Variants in KIF13A observed in about 807,000 individuals in gnomAD.
KIF13A encodes the protein kinesin family member 13A.
KIF13A carries 79 observed loss-of-function variants against 212.2 expected under a neutral mutation model. The ratio of observed to expected loss-of-function variants is 0.37; its 90% CI spans 0.31 to 0.45. The LOEUF (loss-of-function observed/expected upper bound fraction) is 0.45, where lower values mean the gene tolerates loss of function less well. KIF13A is among the 20% of genes least tolerant of loss of function. The pLI is 1.00. For synonymous variants in KIF13A, 789 were observed against 808.6 expected (o/e 0.98, Z 0.41); for missense variants, 1,901 against 2,209.0 (o/e 0.86, Z 2.79).
chr6:17,788,509 A>C (rs1255550566), intron 26 of KIF13A, among the ~76,000 whole-genome samples: 3 of 152,240 alleles, frequency 2.0e-5, no homozygotes, highest in African/African-American at 7.2e-5. Context: ...GAAGCGCACA[A>C]ACAGCCGCAG....
At chr6:17,929,027 C>G (rs941785648) in intron 2 of KIF13A, among the ~76,000 whole-genome samples, 2 of 133,744 alleles carry the variant, frequency 1.5e-5, no homozygotes, top group Non-Finnish European at 3.1e-5. Flanking sequence ...TGAGCTCATG[C>G]CACAGCAATA....
chr6:17,869,966 T>C (rs1769851161), intron 4 of KIF13A, among the ~76,000 whole-genome samples: 1 of 152,218 alleles, frequency 6.6e-6, no homozygotes, highest in African/African-American at 2.4e-5. Context: ...CACCAGATAA[T>C]GAATGCTTCT....
chr6:17,976,429 G>A (rs1780493023), intron 2 of KIF13A, among the ~76,000 whole-genome samples: 1 of 152,224 alleles, frequency 6.6e-6, no homozygotes, highest in African/African-American at 2.4e-5. Flanking sequence ...CGCTGGCCCG[G>A]GTGCTAAGCC....
downstream of KIF13A, chr6:17,760,769 T>C: frequency 1.5e-6 from 2 of 1,363,280 alleles, no homozygotes; most frequent in Non-Finnish European, 1.1e-6. Context: ...GGCGGCAGCA[T>C]GTTTTAGAGA....
chr6:17,821,676 C>T, intron 16 of KIF13A: 1 of 1,242,728 alleles, frequency 8.0e-7, no homozygotes. Flanking sequence ...CCAGCTTCTT[C>T]CCAATCATGT....
Position 17,794,801 on chromosome 6 carries a change from TAGG to T in KIF13A, c.2943-100_2943-98del. On this transcript the variant is annotated intron_variant, in intron 23 of 38. Coordinates refer to ENST00000259711, the MANE Select transcript of KIF13A (RefSeq NM_022113.6). This position sits in a 1 kb window ranked among gnomAD's most constrained non-coding sequence, Gnocchi z 4.1. ...CATTCACTGAGCACTTACTATGTGC[TAGG>T]CACTGTGCCATTTATCTTGTATAAG... 8.7e-6 allele frequency: 11 copies of T among 1,268,560 alleles called. No individual in the cohort carries two copies. Among genetic ancestry groups the T allele is most frequent in the Non-Finnish European group, 1.2e-5 (11 of 921,964 alleles). 78.6% of individuals were successfully genotyped at this position (1,268,560 alleles called of 1,614,324 possible).
At chr6:17,814,145 G>A (rs1353927363) in intron 17 of KIF13A, among the ~76,000 whole-genome samples, 1 of 151,488 alleles carries the variant, frequency 6.6e-6, no homozygotes, top group South Asian at 2.1e-4. Context: ...TAGAGATGGG[G>A]TTTCACCTTG....
chr6:17,791,215 T>A (rs1447885883), intron 25 of KIF13A, among the ~76,000 whole-genome samples: 1 of 152,136 alleles, frequency 6.6e-6, no homozygotes, highest in African/African-American at 2.4e-5. Flanking sequence ...TGCTTCCTAT[T>A]AATGTAAAAG....
At position 17,838,973 on chromosome 6, in the gene KIF13A, C is replaced by G. The variant is rs968113180; in HGVS notation, c.831-1390G>C. On this transcript the variant is annotated intron_variant, in intron 9 of 38. Transcript: ENST00000259711. The surrounding 1 kb of genome is among the most constrained non-coding windows in gnomAD (Gnocchi z 4.2). ...TAGCTGGGATTACAGGCGCCCGCCA[C>G]CACATCTGGCTGATTTTTGTATTTT... is the stretch of plus-strand genomic sequence containing the variant. Among the ~76,000 whole-genome samples, 2 of 152,176 alleles carry G rather than the reference C, an allele frequency of 1.3e-5. No individual in the cohort carries two copies. Among genetic ancestry groups the G allele is most frequent in the Non-Finnish European group, 2.9e-5 (2 of 68,034 alleles).
intron 33 of KIF13A, 96 bp downstream of exon 33, chr6:17,778,847 CTGAT>C: frequency 7.3e-7 from 1 of 1,371,208 alleles, no homozygotes; most frequent in Non-Finnish European, 1.0e-6. Flanking sequence ...TGCTCCTTCT[CTGAT>C]AGATTTAGTG....
In KIF13A at chr6:17,894,140, AT is replaced by A. The variant is rs1226543364; in HGVS notation, c.159+4027del. 5.7e-3 allele frequency among the ~76,000 whole-genome samples: 639 copies of A among 112,248 alleles called. 1 individual carries two copies. The highest frequency in any genetic ancestry group is 0.032 in the East Asian group (120 of 3,792). The allele number at this position is 112,248 out of a possible 152,430, so 73.6% of individuals were successfully genotyped here. ...GGTGTGAGCCACTGCGTCTCACCCC[AT>A]TTTTTTTTTTTTTTGAGACAGGGTT... On this transcript the variant is annotated intron_variant, in intron 3 of 38. Coordinates refer to ENST00000259711, the MANE Select transcript of KIF13A (RefSeq NM_022113.6).
In KIF13A at chr6:17,918,453, AACT is replaced by A. The variant is rs1453824026; in HGVS notation, c.147-20276_147-20274del. Reference sequence around the variant, plus strand: ...GAAAAATGATTATTTTATGTCTGTTAACTACTAATTTGGAGTCCTTTTCACAGG... The same window carrying A: ...GAAAAATGATTATTTTATGTCTGTTAACTAATTTGGAGTCCTTTTCACAGG... On this transcript the variant is annotated intron_variant, in intron 2 of 38. Coordinates refer to ENST00000259711, the MANE Select transcript of KIF13A (RefSeq NM_022113.6). The surrounding 1 kb of genome is among the most constrained non-coding windows in gnomAD (Gnocchi z 4.8). Among the ~76,000 whole-genome samples the A allele has an allele frequency of 2.6e-5, 4 of 152,154 alleles. No homozygotes were observed. Among genetic ancestry groups the A allele is most frequent in the Non-Finnish European group, 5.9e-5 (4 of 68,040 alleles).
Position 17,837,850 on chromosome 6 carries a change from G to A in KIF13A, c.831-267C>T, listed in dbSNP as rs1396531909. 1.3e-5 allele frequency among the ~76,000 whole-genome samples: 2 copies of A among 152,100 alleles called. No homozygotes were observed. The highest frequency in any genetic ancestry group is 2.9e-5 in the Non-Finnish European group (2 of 68,036). On this transcript the variant is annotated intron_variant, in intron 9 of 38. Transcript: ENST00000259711. The surrounding 1 kb of genome is among the most constrained non-coding windows in gnomAD (Gnocchi z 5.4). ...TGCCTGTAATCCCAGCTACTTGGGA[G>A]GCTGAAGCAGGAGAATCTCTGGAAC... is the stretch of plus-strand genomic sequence containing the variant.
At chr6:17,955,209 A>G (rs1186661881) in intron 2 of KIF13A, among the ~76,000 whole-genome samples, 1 of 152,214 alleles carries the variant, frequency 6.6e-6, no homozygotes, top group African/African-American at 2.4e-5. Context: ...CTTGATGTAC[A>G]AACGGACACT....
In KIF13A at chr6:17,831,127, T is replaced by G. The variant is rs756933415; in HGVS notation, c.1375A>C (p.Asn459His). Residue 459 changes from asparagine (N) to histidine (H), a missense_variant, in exon 13 of 39, where the codon AAC (asparagine) becomes CAC (histidine). This residue lies in a region of KIF13A where 506 missense variants were observed against 637.4 expected (regional missense o/e 0.79). Transcript: ENST00000259711. ...TTTAAATAATAAACCAGAAGTTCGTTAAGAGCAGGGTCTGCATTCAGATTG... is the reference window on the plus strand; with the variant it reads ...TTTAAATAATAAACCAGAAGTTCGTGAAGAGCAGGGTCTGCATTCAGATTG... ...LVNLNADPAL[N>H]ELLVYYLKDH... 8.7e-6 allele frequency: 14 copies of G among 1,613,384 alleles called. No homozygotes were observed. The South Asian group carries it at 1.5e-4, about 18-fold the overall frequency.
chr6:17,880,124 T>A (rs2150448465), intron 3 of KIF13A, among the ~76,000 whole-genome samples: 1 of 152,132 alleles, frequency 6.6e-6, no homozygotes. Flanking sequence ...CCCAGCTAAT[T>A]GTTATTTTTT....
chr6:17,952,094 G>A (rs993654119), intron 2 of KIF13A, among the ~76,000 whole-genome samples: 4 of 151,932 alleles, frequency 2.6e-5, no homozygotes, highest in Non-Finnish European at 5.9e-5. Flanking sequence ...ATGAGGTCAG[G>A]AGATGGAGAC....
intron 20 of KIF13A, among the ~76,000 whole-genome samples, chr6:17,802,930 T>TTTG (rs1383578688): frequency 1.5e-5 from 2 of 131,826 alleles, no homozygotes; most frequent in African/African-American, 2.6e-5. Context: ...TGTGTTTTTT[T>TTTG]TGTTTTTTTT....
chr6:17,797,315 C>T (rs569238592), intron 22 of KIF13A, among the ~76,000 whole-genome samples: 7 of 151,936 alleles, frequency 4.6e-5, no homozygotes, highest in Non-Finnish European at 7.4e-5. Context: ...AGGTGTGAGC[C>T]ACCATGCCCG....
Sources: allele counts gnomAD v4.1 joint callset (sites outside exome capture counted in the v4.1 genomes callset), GRCh38; gene constraint gnomAD v4.1.1; regional missense constraint gnomAD v4.1.1; non-coding constraint Gnocchi (gnomAD v3.1); transcripts MANE v1.5; gene names NCBI Gene and HGNC (gene_info 2026-07-23, HGNC 2026-07-21).